SMCHD1: variants seen among roughly 807,000 people sequenced by gnomAD.
The protein encoded by SMCHD1 is structural maintenance of chromosomes flexible hinge domain containing 1.
A neutral mutation model predicts 254.7 loss-of-function variants in SMCHD1; 78 were observed. The observed-to-expected ratio is 0.31, with a 90% confidence interval of 0.26 to 0.37. The LOEUF is 0.37. Ranked by LOEUF, SMCHD1 falls within the 10% of genes least tolerant of loss-of-function variation. SMCHD1 has a pLI of 1.00. For missense variants in SMCHD1, 1,840 were observed against 2,408.1 expected (o/e 0.76, Z 4.94); for synonymous variants, 766 against 794.9 (o/e 0.96, Z 0.61).
chr18:2,790,063 T>C (rs1264266521), intron 45 of SMCHD1, among the ~76,000 whole-genome samples: 4 of 152,098 alleles, frequency 2.6e-5, no homozygotes, highest in Non-Finnish European at 5.9e-5. Context: ...GTGCCTGTAG[T>C]CCCAGCTATT....
chr18:2,740,923 T>C (rs2075338138), intron 28 of SMCHD1, 102 bp downstream of exon 28: 2 of 649,546 alleles, frequency 3.1e-6, no homozygotes, highest in East Asian at 2.8e-5. Flanking sequence ...TTGATTTTAG[T>C]TTTTAAATTG....
chr18:2,780,714 G>A (rs1040130124), intron 44 of SMCHD1, among the ~76,000 whole-genome samples: 2 of 152,168 alleles, frequency 1.3e-5, no homozygotes, highest in African/African-American at 4.8e-5. Context: ...AATTTCTATG[G>A]TGTAAGTACT....
chr18:2,697,252 T>C (rs928572471), intron 9 of SMCHD1, 130 bp downstream of exon 9: 6 of 513,376 alleles, frequency 1.2e-5, no homozygotes, highest in Non-Finnish European at 2.1e-5. Context: ...CCAAACTACT[T>C]TCATTGTTTG....
intron 40 of SMCHD1, 127 bp downstream of exon 40, chr18:2,771,745 C>A: frequency 4.6e-6 from 3 of 651,660 alleles, no homozygotes; most frequent in Non-Finnish European, 7.2e-6. Flanking sequence ...GCATTATCGT[C>A]ACTAGACATT....
chr18:2,666,072 A>G (rs926215426), intron 1 of SMCHD1, 85 bp from the exon 2 acceptor site: 2 of 646,776 alleles, frequency 3.1e-6, no homozygotes, highest in South Asian at 2.2e-5. Flanking sequence ...ATAATGTACT[A>G]TCAATATTTT....
At chr18:2,710,067 T>C (rs1598349583) in intron 17 of SMCHD1, among the ~76,000 whole-genome samples, 1 of 152,366 alleles carries the variant, frequency 6.6e-6, no homozygotes, top group East Asian at 1.9e-4. Context: ...TGACCTTGAC[T>C]TTTGCATATG....
chr18:2,716,497 A>G (rs1164740231), intron 17 of SMCHD1, among the ~76,000 whole-genome samples: 3 of 152,206 alleles, frequency 2.0e-5, no homozygotes, highest in Admixed American at 2.0e-4. Flanking sequence ...TGTAACTTCC[A>G]GGGGTCCCAG....
chr18:2,658,079 A>C (rs910362308), intron 1 of SMCHD1, among the ~76,000 whole-genome samples: 7 of 152,108 alleles, frequency 4.6e-5, no homozygotes, highest in African/African-American at 1.4e-4. Flanking sequence ...GAGCCACTGC[A>C]CCCAGTGGAA....
intron 29 of SMCHD1, among the ~76,000 whole-genome samples, chr18:2,745,354 C>T (rs1030584772): frequency 6.6e-6 from 1 of 152,118 alleles, no homozygotes; most frequent in African/African-American, 2.4e-5. Context: ...GTCACACAAT[C>T]ATGGTAGTAG....
Position 2,707,556 on chromosome 18 carries a change from A to T in SMCHD1, c.2064-7A>T, listed in dbSNP as rs2074547868. 1.3e-6 allele frequency: 2 copies of T among 1,581,074 alleles called. No individual in the cohort carries two copies. Among genetic ancestry groups the T allele is most frequent in the Non-Finnish European group, 1.7e-6 (2 of 1,160,716 alleles). On this transcript the variant is annotated splice_polypyrimidine_tract_variant and splice_region_variant and intron_variant, in intron 15 of 47. Transcript: ENST00000320876. ...TGTGGAACATTAATATGCTGGTTTCATAACAGGCTCCCTGATAGATTGTCA... is the reference window on the plus strand; with the variant it reads ...TGTGGAACATTAATATGCTGGTTTCTTAACAGGCTCCCTGATAGATTGTCA...
chr18:2,673,023 A>G, intron 3 of SMCHD1: 1 of 974,536 alleles, frequency 1.0e-6, no homozygotes, highest in Non-Finnish European at 1.2e-6. Flanking sequence ...TTAGATTATA[A>G]ACTCCTTGAA....
chr18:2,770,685 G>C (rs888547806), intron 39 of SMCHD1, among the ~76,000 whole-genome samples: 2 of 151,910 alleles, frequency 1.3e-5, no homozygotes, highest in East Asian at 1.9e-4. Flanking sequence ...GCAGTGGCAC[G>C]ATCTCACTCA....
intron 23 of SMCHD1, 91 bp from the exon 24 acceptor site, chr18:2,729,184 G>C (rs2075086824): frequency 9.6e-7 from 1 of 1,040,748 alleles, no homozygotes; most frequent in Non-Finnish European, 1.3e-6. Flanking sequence ...AGAAATAGTA[G>C]CTCTACTGAA....
At chr18:2,719,989 A>G (rs72864624) in intron 19 of SMCHD1, among the ~76,000 whole-genome samples, 29,397 of 151,772 alleles carry the variant, frequency 0.19, 3,052 homozygotes, top group South Asian at 0.27. Context: ...CTAATTTTTA[A>G]AAAACATTTT....
chr18:2,725,394 C>T (rs1404534826), intron 21 of SMCHD1, among the ~76,000 whole-genome samples: 2 of 151,190 alleles, frequency 1.3e-5, no homozygotes, highest in Non-Finnish European at 3.0e-5. Flanking sequence ...GAAATTTCAG[C>T]TCACATCTTT....
At chr18:2,747,268 G>C (rs2075473003) in intron 29 of SMCHD1, among the ~76,000 whole-genome samples, 1 of 152,154 alleles carries the variant, frequency 6.6e-6, no homozygotes, top group Non-Finnish European at 1.5e-5. Context: ...CTGGGGTCTA[G>C]AACCAATCTC....
At chr18:2,763,993 G>C in intron 37 of SMCHD1, 1 of 462,624 alleles carries the variant, frequency 2.2e-6, no homozygotes, top group Non-Finnish European at 3.7e-6. Context: ...TTTTCCTATG[G>C]GATAACAGCT....
intron 25 of SMCHD1, among the ~76,000 whole-genome samples, chr18:2,733,810 A>G (rs1030137603): frequency 1.3e-5 from 2 of 152,216 alleles, no homozygotes; most frequent in African/African-American, 4.8e-5. Flanking sequence ...CTTGATGTCT[A>G]TGGAGATAAA....
intron 44 of SMCHD1, among the ~76,000 whole-genome samples, chr18:2,783,390 G>A (rs2076189484): frequency 6.6e-6 from 1 of 152,124 alleles, no homozygotes; most frequent in African/African-American, 2.4e-5. Flanking sequence ...AAAGTTGTGT[G>A]TGTGTGTGCA....
Sources: allele counts gnomAD v4.1 joint callset (sites outside exome capture counted in the v4.1 genomes callset), GRCh38; gene constraint gnomAD v4.1.1; transcripts MANE v1.5; gene names NCBI Gene and HGNC (gene_info 2026-07-23, HGNC 2026-07-21).